The following THSD7B variants were observed in gnomAD, a reference collection of about 807,000 sequenced individuals.
THSD7B encodes the protein thrombospondin type 1 domain containing 7B.
Under a neutral mutation model 213.6 loss-of-function variants are expected in THSD7B, and 138 were observed. That is an observed-to-expected ratio of 0.65 (90% confidence interval 0.56 to 0.74). THSD7B has a LOEUF of 0.74. Among genes scored for constraint, THSD7B ranks in the 30% least tolerant of loss-of-function variants. The probability of loss-of-function intolerance (pLI) is 0.00; values close to 1 mark genes in which losing one functional copy is unlikely to be tolerated. For missense variants in THSD7B, 1,931 were observed against 1,991.5 expected (o/e 0.97, Z 0.58); for synonymous variants, 742 against 687.0 (o/e 1.08, Z -1.25).
intron 12 of THSD7B, among the ~76,000 whole-genome samples, chr2:137,399,200 T>C (rs558035169): frequency 6.7e-4 from 43 of 64,196 alleles, no homozygotes; most frequent in Non-Finnish European, 1.5e-3. Context: ...CACCCCTTTT[T>C]TTTTTTTTTT....
chr2:137,478,489 A>G (rs1380048768), intron 15 of THSD7B, among the ~76,000 whole-genome samples: 1 of 151,566 alleles, frequency 6.6e-6, no homozygotes, highest in Non-Finnish European at 1.5e-5. Flanking sequence ...ATTTTCTTCT[A>G]TTGTTTATCT....
intron 1 of THSD7B, among the ~76,000 whole-genome samples, chr2:136,787,721 C>G (rs541478815): frequency 6.6e-6 from 1 of 152,176 alleles, no homozygotes; most frequent in East Asian, 1.9e-4. Context: ...ACTGCTATCC[C>G]TTGTTCCAGG....
At chr2:137,637,174 G>C (rs1240466527) in intron 20 of THSD7B, among the ~76,000 whole-genome samples, 1 of 152,168 alleles carries the variant, frequency 6.6e-6, no homozygotes, top group African/African-American at 2.4e-5. Flanking sequence ...ATAGCTGCTT[G>C]GTTGAATATT....
At chr2:137,302,110 A>C (rs1573944933) in intron 12 of THSD7B, among the ~76,000 whole-genome samples, 1 of 152,210 alleles carries the variant, frequency 6.6e-6, no homozygotes, top group East Asian at 1.9e-4. Context: ...TAGGCCCTAT[A>C]AATGTTATGA....
intron 15 of THSD7B, among the ~76,000 whole-genome samples, chr2:137,554,229 G>A (rs1035103533): frequency 3.3e-5 from 5 of 152,026 alleles, no homozygotes; most frequent in Admixed American, 2.6e-4. Context: ...AGTGAGGAGC[G>A]TTTAGCAACC....
At chr2:137,076,650 A>G (rs572266723) in intron 3 of THSD7B, among the ~76,000 whole-genome samples, 2 of 152,288 alleles carry the variant, frequency 1.3e-5, no homozygotes, top group African/African-American at 4.8e-5. Flanking sequence ...CCTCAGTTGG[A>G]AATGCAGAAA....
At chr2:137,401,700 A>T (rs935782189) in intron 12 of THSD7B, among the ~76,000 whole-genome samples, 5 of 150,940 alleles carry the variant, frequency 3.3e-5, no homozygotes, top group Non-Finnish European at 5.9e-5. Flanking sequence ...GTTACCATTA[A>T]GAGAGCTGTG....
intron 4 of THSD7B, among the ~76,000 whole-genome samples, chr2:137,096,777 C>T (rs1268648812): frequency 6.6e-6 from 1 of 152,170 alleles, no homozygotes; most frequent in Non-Finnish European, 1.5e-5. Context: ...CTTGAACAAG[C>T]TATACAACTT....
rs1019951591 is a variant in THSD7B at position 136,966,371 on chromosome 2, C to A, written c.139+84054C>A. The stretch of plus-strand genomic sequence containing the variant: ...TAGCTAGGACTACAGGTGCACACCA[C>A]CACACTCAGCTAGTTTTTGTGTTTT... On this transcript the variant is annotated intron_variant, in intron 2 of 27. Coordinates refer to ENST00000409968, the MANE Select transcript of THSD7B (RefSeq NM_001316349.2). Among the ~76,000 whole-genome samples, 3 of 152,174 alleles carry A rather than the reference C, an allele frequency of 2.0e-5. No individual in the cohort carries two copies. The East Asian group carries it at 5.8e-4, about 29-fold the overall frequency.
rs78873362 is a variant in THSD7B, at chr2:137,007,426, G to A, written c.140-48994G>A. On this transcript the variant is annotated intron_variant, in intron 2 of 27. Coordinates refer to ENST00000409968, the MANE Select transcript of THSD7B (RefSeq NM_001316349.2). Reference sequence around the variant, plus strand: ...AATCACATTAACACTAATAGAGATAGATGGCCATCTAATGGAGAAATAAAG... The same window carrying A: ...AATCACATTAACACTAATAGAGATAAATGGCCATCTAATGGAGAAATAAAG... 3.7e-3 allele frequency among the ~76,000 whole-genome samples: 557 copies of A among 152,284 alleles called. 2 individuals are homozygous for A. Among genetic ancestry groups the A allele is most frequent in the Middle Eastern group, 6.8e-3 (2 of 294 alleles).
intron 12 of THSD7B, among the ~76,000 whole-genome samples, chr2:137,348,016 G>A (rs187996173): frequency 6.6e-5 from 10 of 151,144 alleles, no homozygotes; most frequent in Non-Finnish European, 1.0e-4. Flanking sequence ...GTAGACCAGA[G>A]TTTCACAGTA....
intron 12 of THSD7B, among the ~76,000 whole-genome samples, chr2:137,365,112 A>T (rs569286954): frequency 1.6e-4 from 24 of 152,346 alleles, no homozygotes; most frequent in Middle Eastern, 3.4e-3. Context: ...ATGATCTTTG[A>T]CAAACATGAC....
intron 5 of THSD7B, among the ~76,000 whole-genome samples, chr2:137,134,180 G>A (rs942844652): frequency 2.6e-5 from 4 of 152,116 alleles, no homozygotes; most frequent in Non-Finnish European, 4.4e-5. Context: ...TTGGACTGGC[G>A]GTAACTTGTG....
At chr2:137,578,776 G>T (rs1558846553) in intron 17 of THSD7B, among the ~76,000 whole-genome samples, 1 of 152,046 alleles carries the variant, frequency 6.6e-6, no homozygotes, top group Admixed American at 6.5e-5. Context: ...TTGTTTGTTT[G>T]TTTCTTTTTT....
intron 14 of THSD7B, among the ~76,000 whole-genome samples, chr2:137,435,726 T>C (rs1366979741): frequency 6.6e-6 from 1 of 152,122 alleles, no homozygotes; most frequent in Non-Finnish European, 1.5e-5. Flanking sequence ...GTCTCAGGTA[T>C]TGGGGCCCAG....
At position 137,211,465 on chromosome 2, in the gene THSD7B, CATT is replaced by C. The variant is rs140291466; in HGVS notation, c.1724-19574_1724-19572del. Among the ~76,000 whole-genome samples, 384 of 152,072 alleles carry C rather than the reference CATT, an allele frequency of 2.5e-3. 2 individuals are homozygous for C. Among genetic ancestry groups the C allele is most frequent in the African/African-American group, 9.0e-3 (373 of 41,488 alleles). ...TTTATGTGAAAAAATTAAACCATCA[CATT>C]ATTAGTGTAATATATGTGTTATGTA... On this transcript the variant is annotated intron_variant, in intron 7 of 27. Coordinates refer to ENST00000409968, the MANE Select transcript of THSD7B (RefSeq NM_001316349.2).
At chr2:137,003,076 C>G (rs779898916) in intron 2 of THSD7B, among the ~76,000 whole-genome samples, 1 of 152,082 alleles carries the variant, frequency 6.6e-6, no homozygotes, top group Non-Finnish European at 1.5e-5. Context: ...TGACATATCT[C>G]TGGGGAGTCT....
At chr2:137,316,129 A>G (rs867502986) in intron 12 of THSD7B, among the ~76,000 whole-genome samples, 9 of 152,224 alleles carry the variant, frequency 5.9e-5, no homozygotes, top group African/African-American at 1.9e-4. Flanking sequence ...TATGTTGACA[A>G]TTATAGCGAA....
Position 137,264,039 on chromosome 2 carries a change from T to C in THSD7B, c.2267-8494T>C, listed in dbSNP as rs190509377. On this transcript the variant is annotated intron_variant, in intron 10 of 27. Transcript: ENST00000409968. ...TGCACTGGGTAGATTTAATAATGCA[T>C]GTATGTACATTTCAGCATAACACCA... Among the ~76,000 whole-genome samples the C allele has an allele frequency of 1.6e-3, 241 of 152,338 alleles. 3 individuals carry two copies. Among genetic ancestry groups the C allele is most frequent in the African/African-American group, 5.5e-3 (230 of 41,564 alleles).
Sources: gnomAD v4.1 joint callset for allele counts (sites outside exome capture counted in the v4.1 genomes callset) on GRCh38, gnomAD v4.1.1 for gene constraint, MANE v1.5 for transcripts, NCBI Gene and HGNC (gene_info 2026-07-23, HGNC 2026-07-21) for gene names.